DRC4: variants seen among roughly 807,000 people sequenced by gnomAD.
DRC4 encodes dynein regulatory complex subunit 4, also known as GAS-11.
At chr16:90,021,528 C>T in the DRC4 span, among the ~76,000 whole-genome samples, 1 of 151,796 alleles carries the variant, frequency 6.6e-6, no homozygotes, top group Admixed American at 6.6e-5. Flanking sequence ...AAACGATTCT[C>T]CCACCTCAAC....
chr16:90,036,598 G>T, the DRC4 span: 1 of 1,558,686 alleles, frequency 6.4e-7, no homozygotes, highest in East Asian at 2.4e-5. Context: ...TGCTGTGCGT[G>T]GGCTGGGCTG....
the DRC4 span, chr16:90,035,953 A>G: frequency 2.9e-6 from 4 of 1,380,236 alleles, no homozygotes; most frequent in South Asian, 1.5e-5. Context: ...AGCAGGTGGT[A>G]GCTATTCAGT....
the DRC4 span, chr16:90,044,142 C>T: frequency 2.2e-6 from 1 of 455,702 alleles, no homozygotes; most frequent in Non-Finnish European, 4.4e-6. Context: ...AAGCCACAGC[C>T]CAGTAAGTCA....
chr16:90,028,743 C>T, the DRC4 span, among the ~76,000 whole-genome samples: 52 of 152,222 alleles, frequency 3.4e-4, no homozygotes, highest in Non-Finnish European at 1.8e-4. Context: ...CCCTCATGGA[C>T]GACTGCCTGT....
At chr16:90,034,608 TGA>T in the DRC4 span, among the ~76,000 whole-genome samples, 1 of 152,070 alleles carries the variant, frequency 6.6e-6, no homozygotes, top group Non-Finnish European at 1.5e-5. Context: ...GGCGACAGTG[TGA>T]GAGTCTGTCT....
At chr16:90,022,899 C>T in the DRC4 span, among the ~76,000 whole-genome samples, 6,150 of 152,166 alleles carry the variant, frequency 0.04, 320 homozygotes, top group African/African-American at 0.12. Context: ...AGGATGCTCC[C>T]GGCCCCGGGG....
At chr16:90,044,184 A>C in the DRC4 span, 1 of 454,514 alleles carries the variant, frequency 2.2e-6, no homozygotes, top group Admixed American at 2.4e-5. Flanking sequence ...GTGTGGGGTG[A>C]GGCAGTGAGG....
chr16:90,044,399 C>A, the DRC4 span: 5 of 435,502 alleles, frequency 1.1e-5, no homozygotes, highest in Non-Finnish European at 1.9e-5. Flanking sequence ...CCGCCCAGGA[C>A]CAGTCTGCCC....
chr16:90,027,750 C>T, the DRC4 span: 6 of 1,608,174 alleles, frequency 3.7e-6, no homozygotes, highest in Non-Finnish European at 5.1e-6. Context: ...TGGCCCAGTC[C>T]CCGGGTGGGC....
the DRC4 span, chr16:90,043,347 T>A: frequency 6.3e-7 from 1 of 1,579,174 alleles, no homozygotes; most frequent in Admixed American, 1.8e-5. Flanking sequence ...CCGACGTAGC[T>A]GCCCCCCTGG....
At chr16:90,035,505 C>A in the DRC4 span, 1 of 1,214,378 alleles carries the variant, frequency 8.2e-7, no homozygotes, top group Non-Finnish European at 1.2e-6. Context: ...TTAGAGGTGA[C>A]TTTAGTTGAG....
At chr16:90,037,098 G>A in the DRC4 span, 8 of 802,250 alleles carry the variant, frequency 1.0e-5, no homozygotes, top group Admixed American at 3.0e-5. Flanking sequence ...CATAGAAGAC[G>A]TCTAGGTGCC....
At chr16:90,026,010 T>C in the DRC4 span, among the ~76,000 whole-genome samples, 1 of 152,094 alleles carries the variant, frequency 6.6e-6, no homozygotes, top group Non-Finnish European at 1.5e-5. Context: ...TCCCAGCTCC[T>C]TGGGAGGCTG....
At chr16:90,028,551 T>G in the DRC4 span, among the ~76,000 whole-genome samples, 2 of 152,200 alleles carry the variant, frequency 1.3e-5, no homozygotes, top group African/African-American at 4.8e-5. Context: ...TGCCTTTTTC[T>G]TGTTGCTTAT....
chr16:90,027,512 C>T, the DRC4 span: 2 of 876,756 alleles, frequency 2.3e-6, no homozygotes, highest in Admixed American at 1.9e-5. Flanking sequence ...ATGATGTGCT[C>T]CAGGTGAGCA....
chr16:90,043,619 G>C, the DRC4 span: 15 of 592,076 alleles, frequency 2.5e-5, no homozygotes, highest in African/African-American at 3.7e-5. Flanking sequence ...CACAGTCGGC[G>C]GCACCTTCTC....
At chr16:90,029,189 T>TGGGGCAGCCTATGGGGCAGGCTGC in the DRC4 span, 37 of 1,340,498 alleles carry the variant, frequency 2.8e-5, no homozygotes, top group East Asian at 1.9e-4. Flanking sequence ...GGGCAGGCTA[T>TGGGGCAGCCTATGGGGCAGGCTGC]GGGGCAGCCT....
At chr16:90,028,903 T>C in the DRC4 span, 1 of 1,275,064 alleles carries the variant, frequency 7.8e-7, no homozygotes, top group South Asian at 1.3e-5. Context: ...CAGAGGTCCT[T>C]GAACAATGGT....
At chr16:90,039,918 G>A in the DRC4 span, 27 of 293,954 alleles carry the variant, frequency 9.2e-5, no homozygotes, top group South Asian at 4.8e-4. Flanking sequence ...CTGCAAGCTC[G>A]GCCTGCTGGA....
Sources: gnomAD v4.1 joint callset for allele counts (sites outside exome capture counted in the v4.1 genomes callset) on GRCh38, gnomAD v4.1.1 for gene constraint, MANE v1.5 for transcripts, NCBI Gene and HGNC (gene_info 2026-07-23, HGNC 2026-07-21) for gene names.